Variants in SEMA5A observed in about 807,000 individuals in gnomAD.
SEMA5A encodes semaphorin-5A.
SEMA5A carries 55 observed loss-of-function variants against 135.5 expected under a neutral mutation model. That is an observed-to-expected ratio of 0.41 (90% CI 0.33 to 0.51). SEMA5A has a LOEUF of 0.51. Ranked by LOEUF, SEMA5A falls within the 20% of genes least tolerant of loss-of-function variation. SEMA5A has a pLI of 0.37. For synonymous variants in SEMA5A, 580 were observed against 546.5 expected, an observed-to-expected ratio of 1.06 and a Z score of -0.85; for missense variants, 1,290 against 1,419.9, an observed-to-expected ratio of 0.91 and a Z score of 1.47.
intron 17 of SEMA5A, among the ~76,000 whole-genome samples, chr5:9,066,157 A>T (rs1023446240): frequency 6.6e-6 from 1 of 152,146 alleles, no homozygotes; most frequent in Admixed American, 6.5e-5. Context: ...ATCTCACACA[A>T]ATGATTCTGG....
chr5:9,344,225 AT>A (rs1349921045), intron 3 of SEMA5A, among the ~76,000 whole-genome samples: 3 of 152,204 alleles, frequency 2.0e-5, no homozygotes, highest in Non-Finnish European at 4.4e-5. Flanking sequence ...GAGAGCTATC[AT>A]TTTTGTTATA....
At chr5:9,097,207 G>T (rs1411499076) in intron 16 of SEMA5A, among the ~76,000 whole-genome samples, 1 of 152,116 alleles carries the variant, frequency 6.6e-6, no homozygotes, top group Non-Finnish European at 1.5e-5. Context: ...TACTGCCCCA[G>T]GTTTAAGTAG....
intron 2 of SEMA5A, among the ~76,000 whole-genome samples, chr5:9,395,689 C>T (rs1756361850): frequency 6.6e-6 from 1 of 152,186 alleles, no homozygotes; most frequent in African/African-American, 2.4e-5. Flanking sequence ...GTAAATAGAA[C>T]ACACCTGTTA....
chr5:9,252,238 C>T (rs1455082345), intron 5 of SEMA5A, among the ~76,000 whole-genome samples: 1 of 152,166 alleles, frequency 6.6e-6, no homozygotes, highest in Non-Finnish European at 1.5e-5. Context: ...TCCACATCTT[C>T]ACTACTGAGA....
intron 3 of SEMA5A, 133 bp downstream of exon 3, chr5:9,379,690 T>G: frequency 8.8e-7 from 1 of 1,133,932 alleles, no homozygotes; most frequent in Non-Finnish European, 1.2e-6. Flanking sequence ...AGTTTTACCT[T>G]TATTTTAAAC....
intron 16 of SEMA5A, among the ~76,000 whole-genome samples, chr5:9,092,178 T>C (rs939753422): frequency 6.6e-6 from 1 of 152,176 alleles, no homozygotes; most frequent in Non-Finnish European, 1.5e-5. Context: ...CCAGGCTTAT[T>C]GTGAGACAAC....
intron 16 of SEMA5A, among the ~76,000 whole-genome samples, chr5:9,093,619 A>C (rs2150128238): frequency 6.6e-6 from 1 of 152,106 alleles, no homozygotes; most frequent in Middle Eastern, 3.4e-3. Context: ...AGGCAGGAGA[A>C]TCGGTTGAGC....
intron 2 of SEMA5A, among the ~76,000 whole-genome samples, chr5:9,405,816 T>C (rs1006851186): frequency 2.0e-5 from 3 of 152,138 alleles, no homozygotes; most frequent in South Asian, 2.1e-4. Context: ...GAATTGGCCA[T>C]ATAGAAGGCA....
intron 3 of SEMA5A, among the ~76,000 whole-genome samples, chr5:9,375,507 G>A (rs1266885904): frequency 2.0e-5 from 3 of 151,296 alleles, no homozygotes; most frequent in African/African-American, 2.4e-5. Context: ...TTCTTCTCTA[G>A]AGACTTCAGA....
At chr5:9,456,806 C>A (rs968296746) in intron 1 of SEMA5A, among the ~76,000 whole-genome samples, 1 of 152,150 alleles carries the variant, frequency 6.6e-6, no homozygotes, top group East Asian at 1.9e-4. Flanking sequence ...TTTAAAGAAC[C>A]ATTTGGAAAT....
intron 10 of SEMA5A, among the ~76,000 whole-genome samples, chr5:9,195,921 C>T (rs1745360994): frequency 6.6e-6 from 1 of 152,224 alleles, no homozygotes; most frequent in Non-Finnish European, 1.5e-5. Context: ...TAGGATTTTG[C>T]ATCTGAGGAC....
chr5:9,279,515 T>C (rs542516967), intron 5 of SEMA5A, among the ~76,000 whole-genome samples: 13 of 152,188 alleles, frequency 8.5e-5, no homozygotes, highest in Admixed American at 3.3e-4. Context: ...TTTGGAAATG[T>C]GAAAAGGACA....
chr5:9,287,648 A>G (rs1400713793), intron 5 of SEMA5A, among the ~76,000 whole-genome samples: 1 of 152,190 alleles, frequency 6.6e-6, no homozygotes, highest in African/African-American at 2.4e-5. Context: ...AATCAGGCCT[A>G]CCACCTATTA....
intron 3 of SEMA5A, among the ~76,000 whole-genome samples, chr5:9,355,315 TAAA>T (rs1754392726): frequency 6.6e-6 from 1 of 152,150 alleles, no homozygotes; most frequent in South Asian, 2.1e-4. Context: ...TGGCATTTTT[TAAA>T]AACTCTTAGG....
chr5:9,139,698 T>C (rs539651221), intron 12 of SEMA5A, among the ~76,000 whole-genome samples: 22 of 152,200 alleles, frequency 1.4e-4, no homozygotes, highest in Non-Finnish European at 3.1e-4. Context: ...GTTTGACATT[T>C]TTTTCTTGAG....
In SEMA5A at chr5:9,135,993, A is replaced by G. The variant is rs183983228; in HGVS notation, c.1599+511T>C. On this transcript the variant is annotated intron_variant, in intron 13 of 22. Coordinates refer to ENST00000382496, the MANE Select transcript of SEMA5A (RefSeq NM_003966.3). Reference sequence around the variant, plus strand: ...CTCATTCCATAGAGTCCTCTATGGGAACGCACACTAGGCGGTCTCTTCCAG... The same window carrying G: ...CTCATTCCATAGAGTCCTCTATGGGGACGCACACTAGGCGGTCTCTTCCAG... 1.0e-3 allele frequency among the ~76,000 whole-genome samples: 154 copies of G among 152,294 alleles called. 1 individual carries two copies. The highest frequency in any genetic ancestry group is 3.5e-3 in the African/African-American group (146 of 41,568).
intron 8 of SEMA5A, among the ~76,000 whole-genome samples, chr5:9,206,284 T>G (rs916763889): frequency 1.3e-5 from 2 of 152,188 alleles, no homozygotes; most frequent in African/African-American, 4.8e-5. Flanking sequence ...TTTTCTAATG[T>G]TTGTAAAACA....
At chr5:9,380,730 T>A (rs1297787630) in intron 2 of SEMA5A, among the ~76,000 whole-genome samples, 2 of 152,186 alleles carry the variant, frequency 1.3e-5, no homozygotes, top group African/African-American at 2.4e-5. Flanking sequence ...TTAACAAGCA[T>A]TAAAGTAATA....
chr5:9,251,967 G>C (rs2150490711), intron 5 of SEMA5A, among the ~76,000 whole-genome samples: 1 of 152,274 alleles, frequency 6.6e-6, no homozygotes, highest in East Asian at 1.9e-4. Flanking sequence ...GCTTTTAAAT[G>C]GATGGCCTGG....
Sources: gnomAD v4.1 joint callset for allele counts (sites outside exome capture counted in the v4.1 genomes callset) on GRCh38, gnomAD v4.1.1 for gene constraint, MANE v1.5 for transcripts, NCBI Gene and HGNC (gene_info 2026-07-23, HGNC 2026-07-21) for gene names.